The following GRIK2 variants were observed in gnomAD, a reference collection of about 807,000 sequenced individuals.
The protein encoded by GRIK2 is glutamate ionotropic receptor kainate type subunit 2.
GRIK2 carries 32 observed loss-of-function variants against 100.3 expected under a neutral mutation model. The observed-to-expected ratio is 0.32, with a 90% CI of 0.24 to 0.43. GRIK2 has a LOEUF of 0.43. GRIK2 is among the 20% of genes least tolerant of loss of function. GRIK2 has a pLI of 1.00. For missense variants in GRIK2, 843 were observed against 1,114.9 expected (o/e 0.76, Z 3.47); for synonymous variants, 417 against 389.4 (o/e 1.07, Z -0.83).
intron 7 of GRIK2, among the ~76,000 whole-genome samples, chr6:101,768,396 A>G (rs974531489): frequency 6.6e-6 from 1 of 152,112 alleles, no homozygotes; most frequent in African/African-American, 2.4e-5. Flanking sequence ...CTCCCCAGTG[A>G]TATTACCACC....
At chr6:101,929,603 T>A (rs924128085) in intron 14 of GRIK2, among the ~76,000 whole-genome samples, 5 of 152,164 alleles carry the variant, frequency 3.3e-5, no homozygotes, top group African/African-American at 1.2e-4. Flanking sequence ...TCGAGGAGAT[T>A]ATGGTTTAGT....
chr6:101,605,978 G>A (rs892246965), intron 2 of GRIK2, among the ~76,000 whole-genome samples: 7 of 152,002 alleles, frequency 4.6e-5, no homozygotes, highest in Non-Finnish European at 2.9e-5. Context: ...GCATTAACAA[G>A]AAAGGCAGTA....
At chr6:102,006,390 A>ATATATATATATATATATTT (rs1315524835) in intron 14 of GRIK2, among the ~76,000 whole-genome samples, 3 of 114,104 alleles carry the variant, frequency 2.6e-5, no homozygotes, top group Non-Finnish European at 4.9e-5. Context: ...ATATATATAT[A>ATATATATATATATATATTT]TTTTTTTTTT....
intron 11 of GRIK2, among the ~76,000 whole-genome samples, chr6:101,888,881 A>G (rs1429496030): frequency 1.3e-5 from 2 of 152,120 alleles, no homozygotes; most frequent in East Asian, 3.9e-4. Context: ...TATTTCTTAC[A>G]ATATATTAGA....
At chr6:101,770,467 G>A (rs1031051332) in intron 7 of GRIK2, among the ~76,000 whole-genome samples, 2 of 151,784 alleles carry the variant, frequency 1.3e-5, no homozygotes, top group African/African-American at 4.9e-5. Flanking sequence ...ATACGATTCA[G>A]TGCAAAAAAA....
intron 14 of GRIK2, among the ~76,000 whole-genome samples, chr6:102,004,451 T>A (rs1011296701): frequency 2.0e-5 from 3 of 151,902 alleles, no homozygotes; most frequent in Non-Finnish European, 4.4e-5. Flanking sequence ...TTTTATGATC[T>A]GGTCTCATTT....
intron 2 of GRIK2, among the ~76,000 whole-genome samples, chr6:101,478,991 A>T (rs1267765697): frequency 1.3e-5 from 2 of 152,194 alleles, no homozygotes; most frequent in African/African-American, 4.8e-5. Context: ...AAACCAGCAG[A>T]TCTTTTTCAT....
At position 101,490,548 on chromosome 6, in the gene GRIK2, T is replaced by C. The variant is rs117570131; in HGVS notation, c.115+91156T>C. ...GACTTTAGCTTCACTCAGAAATGTG[T>C]GTACAATAGATAAGTGAAGAAGTAC... On this transcript the variant is annotated intron_variant, in intron 2 of 16. Coordinates refer to ENST00000369134, the MANE Select transcript of GRIK2 (RefSeq NM_021956.5). Among the ~76,000 whole-genome samples, 124 of 147,008 alleles carry C rather than the reference T, an allele frequency of 8.4e-4. 4 individuals carry two copies. The highest frequency in any genetic ancestry group is 2.1e-3 in the Admixed American group (31 of 14,744).
chr6:101,719,563 T>TA (rs1222572808), intron 7 of GRIK2, among the ~76,000 whole-genome samples: 5 of 151,962 alleles, frequency 3.3e-5, no homozygotes, highest in Non-Finnish European at 7.4e-5. Flanking sequence ...TGGAATATAA[T>TA]AACATTAGGA....
chr6:101,486,505 T>C (rs1441594891), intron 2 of GRIK2, among the ~76,000 whole-genome samples: 4 of 152,068 alleles, frequency 2.6e-5, no homozygotes, highest in Non-Finnish European at 5.9e-5. Flanking sequence ...TATTGTAATG[T>C]AGAGCACCTA....
chr6:101,686,157 A>G (rs771605744), intron 6 of GRIK2, 23 bp from the exon 7 acceptor site: 2 of 1,596,638 alleles, frequency 1.3e-6, no homozygotes, highest in East Asian at 2.2e-5. Flanking sequence ...CATAATAACA[A>G]CACAATAACA....
chr6:102,031,124 CACA>C (rs1769975192), intron 14 of GRIK2, among the ~76,000 whole-genome samples: 6 of 71,586 alleles, frequency 8.4e-5, no homozygotes, highest in South Asian at 3.9e-4. Flanking sequence ...CACACACACA[CACA>C]CCCCCTTTGA....
At chr6:101,959,024 G>A (rs899810200) in intron 14 of GRIK2, among the ~76,000 whole-genome samples, 1 of 151,930 alleles carries the variant, frequency 6.6e-6, no homozygotes, top group Non-Finnish European at 1.5e-5. Flanking sequence ...TTGGTATCAG[G>A]GTGATACTGG....
At chr6:102,051,049 ACT>A (rs1455790916) in intron 15 of GRIK2, among the ~76,000 whole-genome samples, 3 of 152,046 alleles carry the variant, frequency 2.0e-5, no homozygotes, top group East Asian at 3.9e-4. Flanking sequence ...AGAGACAATA[ACT>A]CTATTGTTGA....
Position 102,002,284 on chromosome 6 carries a change from GTA to G in GRIK2, c.2086-33051_2086-33050del, listed in dbSNP as rs1396324844. Among the ~76,000 whole-genome samples the G allele has an allele frequency of 7.4e-5, 11 of 148,402 alleles. No individual in the cohort carries two copies. The South Asian group carries it at 1.9e-3, about 26-fold the overall frequency. ...TATGTGTGTGTGTATGTATGTGTGT[GTA>G]TATATGTGTGTGTGTGTGTATATAT... On this transcript the variant is annotated intron_variant, in intron 14 of 16. Transcript: ENST00000369134.
chr6:101,453,064 C>T (rs1770798124), intron 2 of GRIK2, among the ~76,000 whole-genome samples: 1 of 151,802 alleles, frequency 6.6e-6, no homozygotes, highest in Admixed American at 6.6e-5. Context: ...GATGTATTGA[C>T]TCTCTACATA....
At chr6:101,890,649 T>C (rs1786990083) in intron 12 of GRIK2, among the ~76,000 whole-genome samples, 1 of 152,054 alleles carries the variant, frequency 6.6e-6, no homozygotes, top group Non-Finnish European at 1.5e-5. Flanking sequence ...AAATCTGTGA[T>C]ACAGATCAAT....
chr6:101,811,010 A>G (rs1781292874), intron 9 of GRIK2, among the ~76,000 whole-genome samples: 1 of 152,080 alleles, frequency 6.6e-6, no homozygotes. Flanking sequence ...TTTAATATAA[A>G]TCTCTTTCTT....
At chr6:101,411,449 T>C (rs983922538) in intron 2 of GRIK2, among the ~76,000 whole-genome samples, 22 of 152,134 alleles carry the variant, frequency 1.4e-4, no homozygotes, top group Non-Finnish European at 8.8e-5. Flanking sequence ...ATGTTACAAG[T>C]GCATAACTGC....
Sources: allele counts gnomAD v4.1 joint callset (sites outside exome capture counted in the v4.1 genomes callset), GRCh38; gene constraint gnomAD v4.1.1; transcripts MANE v1.5; gene names NCBI Gene and HGNC (gene_info 2026-07-23, HGNC 2026-07-21).